The following BRINP1 variants were observed in gnomAD, a reference collection of about 807,000 sequenced individuals.
BRINP1 encodes the protein BMP/retinoic acid-inducible neural-specific protein 1.
A neutral mutation model predicts 72.9 loss-of-function variants in BRINP1; 17 were observed. That is an observed-to-expected ratio of 0.23 (90% CI 0.16 to 0.35). The LOEUF is 0.35. Among genes scored for constraint, BRINP1 ranks in the 10% least tolerant of loss-of-function variants. The pLI, the probability that BRINP1 is intolerant of heterozygous loss-of-function variation, is 1.00. For synonymous variants in BRINP1, 418 were observed against 378.5 expected (o/e 1.10, Z -1.21); for missense variants, 850 against 1,001.6 (o/e 0.85, Z 2.04).
chr9:119,333,583 T>C (rs1412758194), intron 1 of BRINP1, among the ~76,000 whole-genome samples: 1 of 152,150 alleles, frequency 6.6e-6, no homozygotes, highest in African/African-American at 2.4e-5. Flanking sequence ...ATCTGTAGTC[T>C]TAAAACGCTC....
chr9:119,186,286 G>C (rs1298535463), intron 7 of BRINP1, among the ~76,000 whole-genome samples: 1 of 152,046 alleles, frequency 6.6e-6, no homozygotes, highest in African/African-American at 2.4e-5. Context: ...GCTGCAATTT[G>C]GCACCCTGCC....
chr9:119,314,450 C>A (rs1831105276), intron 1 of BRINP1, among the ~76,000 whole-genome samples: 1 of 152,188 alleles, frequency 6.6e-6, no homozygotes, highest in South Asian at 2.1e-4. Flanking sequence ...ACTACAACCT[C>A]CGCCTCCAGG....
At chr9:119,208,606 C>G in intron 7 of BRINP1, 113 bp downstream of exon 7, 1 of 1,078,200 alleles carries the variant, frequency 9.3e-7, no homozygotes, top group East Asian at 2.6e-5. Flanking sequence ...CATGCGAGGT[C>G]CTGTTTGCCA....
intron 3 of BRINP1, among the ~76,000 whole-genome samples, chr9:119,245,095 G>A (rs546895134): frequency 5.9e-5 from 9 of 152,274 alleles, no homozygotes; most frequent in East Asian, 1.9e-4. Flanking sequence ...AATGCAGGGA[G>A]GGAAATAGTG....
intron 1 of BRINP1, among the ~76,000 whole-genome samples, chr9:119,354,690 G>A (rs963586241): frequency 4.4e-5 from 6 of 137,242 alleles, no homozygotes; most frequent in African/African-American, 5.5e-5. Context: ...CAAGAACCCC[G>A]TCTCTAAAAA....
At chr9:119,193,335 G>T (rs1327650527) in intron 7 of BRINP1, among the ~76,000 whole-genome samples, 1 of 151,942 alleles carries the variant, frequency 6.6e-6, no homozygotes, top group Non-Finnish European at 1.5e-5. Context: ...TACAAATATT[G>T]CATGATTTCA....
At chr9:119,260,133 T>C (rs1830482894) in intron 2 of BRINP1, among the ~76,000 whole-genome samples, 1 of 152,234 alleles carries the variant, frequency 6.6e-6, no homozygotes, top group Non-Finnish European at 1.5e-5. Context: ...TCTGGCTCTA[T>C]ATCAAGAACC....
chr9:119,227,973 T>C (rs1830109374), intron 5 of BRINP1, among the ~76,000 whole-genome samples: 1 of 152,010 alleles, frequency 6.6e-6, no homozygotes, highest in African/African-American at 2.4e-5. Context: ...TTTTTAAACA[T>C]TTCTCCTACA....
chr9:119,237,909 C>T (rs1332021150), intron 5 of BRINP1, among the ~76,000 whole-genome samples: 5 of 152,174 alleles, frequency 3.3e-5, no homozygotes, highest in Non-Finnish European at 5.9e-5. Flanking sequence ...ATCCACCCAC[C>T]TCAGCCTCCC....
chr9:119,206,640 T>C (rs1335147227), intron 7 of BRINP1, among the ~76,000 whole-genome samples: 2 of 152,120 alleles, frequency 1.3e-5, no homozygotes, highest in East Asian at 1.9e-4. Context: ...ACTGAGTCCA[T>C]GGTACTTAGT....
At chr9:119,233,996 A>G (rs1365067448) in intron 5 of BRINP1, among the ~76,000 whole-genome samples, 8 of 152,140 alleles carry the variant, frequency 5.3e-5, no homozygotes, top group Admixed American at 3.9e-4. Context: ...TTATTTCTGT[A>G]TAGTAAGCTC....
At position 119,252,815 on chromosome 9, in the gene BRINP1, T is replaced by C. The variant is rs542841858; in HGVS notation, c.219-3665A>G. On this transcript the variant is annotated intron_variant, in intron 2 of 7. Coordinates refer to ENST00000265922, the MANE Select transcript of BRINP1 (RefSeq NM_014618.3). ...TAGAACCAGTACCAGTACAGAAGAA[T>C]GATGCCACCCCCACCACCAAATTAC... is the stretch of plus-strand genomic sequence containing the variant. 3.9e-5 allele frequency among the ~76,000 whole-genome samples: 6 copies of C among 152,260 alleles called. 1 individual carries two copies. Among genetic ancestry groups the C allele is most frequent in the African/African-American group, 1.4e-4 (6 of 41,540 alleles).
At chr9:119,227,153 A>T (rs1479640640) in intron 5 of BRINP1, among the ~76,000 whole-genome samples, 1 of 152,034 alleles carries the variant, frequency 6.6e-6, no homozygotes, top group Non-Finnish European at 1.5e-5. Context: ...GGTGCTTTCT[A>T]TGTGATTTCC....
intron 2 of BRINP1, among the ~76,000 whole-genome samples, chr9:119,265,780 T>C (rs148892196): frequency 8.5e-5 from 13 of 152,302 alleles, no homozygotes; most frequent in East Asian, 5.8e-4. Flanking sequence ...TTTGTTCATA[T>C]AGGCAAATTG....
chr9:119,235,855 T>C (rs1345519646), intron 5 of BRINP1, among the ~76,000 whole-genome samples: 1 of 152,192 alleles, frequency 6.6e-6, no homozygotes, highest in African/African-American at 2.4e-5. Flanking sequence ...CCAACCTAAC[T>C]GATGCTTAAA....
chr9:119,183,388 A>C (rs1242774760), intron 7 of BRINP1, among the ~76,000 whole-genome samples: 1 of 152,196 alleles, frequency 6.6e-6, no homozygotes, highest in East Asian at 1.9e-4. Context: ...AAGAAACCAG[A>C]CACAAAGAGT....
At chr9:119,242,328 T>G in intron 3 of BRINP1, 112 bp from the exon 4 acceptor site, 1 of 838,818 alleles carries the variant, frequency 1.2e-6, no homozygotes, top group Non-Finnish European at 1.9e-6. Flanking sequence ...ATGTGGCCCA[T>G]GTTTCCTTCT....
At chr9:119,206,385 A>T (rs1182237618) in intron 7 of BRINP1, among the ~76,000 whole-genome samples, 1 of 141,326 alleles carries the variant, frequency 7.1e-6, no homozygotes, top group African/African-American at 2.8e-5. Flanking sequence ...GCGACACTGC[A>T]CTCTAGCCTG....
intron 2 of BRINP1, 133 bp from the exon 3 acceptor site, chr9:119,249,283 G>T: frequency 1.3e-6 from 1 of 752,176 alleles, no homozygotes; most frequent in Non-Finnish European, 2.1e-6. Flanking sequence ...GTCAAGTGAT[G>T]CTTTGATCTG....
Sources: gnomAD v4.1 joint callset for allele counts (sites outside exome capture counted in the v4.1 genomes callset) on GRCh38, gnomAD v4.1.1 for gene constraint, MANE v1.5 for transcripts, NCBI Gene and HGNC (gene_info 2026-07-23, HGNC 2026-07-21) for gene names.